The following PTPRD variants were observed in gnomAD, a reference collection of about 807,000 sequenced individuals.
The protein encoded by PTPRD is receptor-type tyrosine-protein phosphatase delta.
PTPRD carries 34 observed loss-of-function variants against 214.5 expected under a neutral mutation model. The observed-to-expected ratio is 0.16, with a 90% CI of 0.12 to 0.21. The LOEUF is 0.21. Among genes scored for constraint, PTPRD ranks in the 10% least tolerant of loss-of-function variants. The pLI is 1.00. For synonymous variants in PTPRD, 1,128 were observed against 845.7 expected (o/e 1.33, Z -5.79); for missense variants, 2,545 against 2,398.7 (o/e 1.06, Z -1.27).
At chr9:9,685,677 T>C (rs1402068144) in intron 7 of PTPRD, among the ~76,000 whole-genome samples, 1 of 151,238 alleles carries the variant, frequency 6.6e-6, no homozygotes, top group East Asian at 1.9e-4. Flanking sequence ...TAGAATTGGC[T>C]GCTCTTAAGT....
intron 3 of PTPRD, among the ~76,000 whole-genome samples, chr9:10,272,951 G>A (rs1405569451): frequency 6.6e-6 from 1 of 152,176 alleles, no homozygotes; most frequent in Non-Finnish European, 1.5e-5. Flanking sequence ...TCTCAATTCA[G>A]TAGAGATGAA....
chr9:8,767,141 G>C (rs1284175010), intron 11 of PTPRD, among the ~76,000 whole-genome samples: 1 of 151,866 alleles, frequency 6.6e-6, no homozygotes, highest in African/African-American at 2.4e-5. Flanking sequence ...TTTTGAGATG[G>C]AGTTTTGCTC....
At chr9:10,516,586 A>G (rs1322293271) in intron 2 of PTPRD, among the ~76,000 whole-genome samples, 1 of 151,944 alleles carries the variant, frequency 6.6e-6, no homozygotes, top group Non-Finnish European at 1.5e-5. Flanking sequence ...ATGTAGACAT[A>G]CTTGTTTATT....
intron 5 of PTPRD, among the ~76,000 whole-genome samples, chr9:9,908,604 G>A (rs1025919139): frequency 6.6e-6 from 1 of 151,844 alleles, no homozygotes; most frequent in Non-Finnish European, 1.5e-5. Context: ...GAGGGAAATG[G>A]GTTTTAAAGA....
intron 4 of PTPRD, among the ~76,000 whole-genome samples, chr9:9,952,795 G>T (rs1187045848): frequency 6.6e-6 from 1 of 152,148 alleles, no homozygotes; most frequent in Non-Finnish European, 1.5e-5. Flanking sequence ...TCCAGTTAGA[G>T]TGAGGGCTAT....
intron 14 of PTPRD, among the ~76,000 whole-genome samples, chr9:8,529,655 G>A (rs1372730415): frequency 6.6e-6 from 1 of 152,122 alleles, no homozygotes; most frequent in Admixed American, 6.6e-5. Flanking sequence ...CCACAATCAT[G>A]CTCCACACTG....
intron 2 of PTPRD, among the ~76,000 whole-genome samples, chr9:10,476,770 G>A (rs960606938): frequency 2.6e-5 from 4 of 152,094 alleles, no homozygotes; most frequent in Admixed American, 6.6e-5. Flanking sequence ...AAAACAGCAT[G>A]GTACTGGTAC....
rs566372811 is a variant in PTPRD, at chr9:9,677,029, C to T, written c.-287+57504G>A. ...TTCCTTGTAGATTCTGGATATTAGCCCTTTGTCAGAAGAGTAGGTTGCAAA... is the reference window on the plus strand; with the variant it reads ...TTCCTTGTAGATTCTGGATATTAGCTCTTTGTCAGAAGAGTAGGTTGCAAA... On this transcript the variant is annotated intron_variant, in intron 7 of 45. Transcript: ENST00000381196. Among the ~76,000 whole-genome samples the T allele has an allele frequency of 3.3e-5, 5 of 151,884 alleles. No homozygotes were observed. The East Asian group carries it at 9.7e-4, about 29-fold the overall frequency.
rs1245284728 is a variant in PTPRD at position 10,231,989 on chromosome 9, A to AGAGAGAGAGAGAGTGTGTGT, written c.-545+108973_-545+108974insACACACACTCTCTCTCTCTC. On this transcript the variant is annotated intron_variant, in intron 3 of 45. Transcript: ENST00000381196. ...GAGAGAGAGAGAGAGAGAGAGAGAG[A>AGAGAGAGAGAGAGTGTGTGT]GTGTGTGTGTGTGTGTGTGTGTGTG... Among the ~76,000 whole-genome samples the AGAGAGAGAGAGAGTGTGTGT allele has an allele frequency of 1.2e-3, 113 of 92,474 alleles. 2 individuals carry two copies. The highest frequency in any genetic ancestry group is 5.4e-3 in the African/African-American group (102 of 18,940). 60.7% of individuals were successfully genotyped at this position (92,474 alleles called of 152,430 possible).
chr9:9,839,601 C>T lies in PTPRD; in HGVS notation c.-367-72750G>A, dbSNP rs1212107918. 2.0e-5 allele frequency among the ~76,000 whole-genome samples: 3 copies of T among 151,762 alleles called. No homozygotes were observed. In the East Asian group the frequency reaches 5.9e-4, roughly 30 times the overall value. ...TTCCATGTTCATGGGTAGGAAGAAT[C>T]AATATCGTGAAAATGGCCATACTGC... is the stretch of plus-strand genomic sequence containing the variant. On this transcript the variant is annotated intron_variant, in intron 5 of 45. Coordinates refer to ENST00000381196, the MANE Select transcript of PTPRD (RefSeq NM_002839.4).
chr9:9,897,653 TA>T (rs2075361197), intron 5 of PTPRD, among the ~76,000 whole-genome samples: 1 of 152,102 alleles, frequency 6.6e-6, no homozygotes, highest in South Asian at 2.1e-4. Context: ...ATGGACAATT[TA>T]AATTATAGCT....
intron 7 of PTPRD, among the ~76,000 whole-genome samples, chr9:9,577,642 A>G (rs565486661): frequency 6.6e-6 from 1 of 152,148 alleles, no homozygotes; most frequent in African/African-American, 2.4e-5. Context: ...CAGAGGAGAG[A>G]TTTATGATGA....
At chr9:8,423,292 G>A (rs2094473385) in intron 35 of PTPRD, among the ~76,000 whole-genome samples, 1 of 152,118 alleles carries the variant, frequency 6.6e-6, no homozygotes, top group Non-Finnish European at 1.5e-5. Context: ...AAAAGCTGGA[G>A]CAAAAGCAAA....
At chr9:9,877,298 T>C (rs926400655) in intron 5 of PTPRD, among the ~76,000 whole-genome samples, 3 of 152,102 alleles carry the variant, frequency 2.0e-5, no homozygotes, top group African/African-American at 7.2e-5. Context: ...TAAATAAATA[T>C]TAGCTTCATA....
intron 11 of PTPRD, among the ~76,000 whole-genome samples, chr9:8,783,249 T>A (rs1418971264): frequency 6.6e-6 from 1 of 152,202 alleles, no homozygotes; most frequent in African/African-American, 2.4e-5. Flanking sequence ...ACATTGACAT[T>A]CACAAGTGAA....
chr9:8,712,526 T>G (rs2098360838), intron 12 of PTPRD, among the ~76,000 whole-genome samples: 1 of 151,980 alleles, frequency 6.6e-6, no homozygotes, highest in African/African-American at 2.4e-5. Flanking sequence ...AGTGGACAGA[T>G]ACTGCCTCCA....
At chr9:8,934,518 TAA>T (rs1491544256) in intron 11 of PTPRD, among the ~76,000 whole-genome samples, 7,935 of 20,318 alleles carry the variant, frequency 0.39, 1,469 homozygotes, top group South Asian at 0.49. Flanking sequence ...TATATATATA[TAA>T]ATATATATAT....
chr9:9,765,737 T>G (rs568303034), intron 6 of PTPRD, among the ~76,000 whole-genome samples: 31 of 152,328 alleles, frequency 2.0e-4, no homozygotes, highest in Middle Eastern at 6.8e-3. Flanking sequence ...CTCGGCTCAC[T>G]GCAAGCTTCA....
intron 3 of PTPRD, among the ~76,000 whole-genome samples, chr9:10,140,946 T>C (rs1308505527): frequency 6.6e-6 from 1 of 152,070 alleles, no homozygotes; most frequent in East Asian, 1.9e-4. Context: ...TGGTTCATTA[T>C]ACGCAAATCA....
Sources: allele counts gnomAD v4.1 joint callset (sites outside exome capture counted in the v4.1 genomes callset), GRCh38; gene constraint gnomAD v4.1.1; transcripts MANE v1.5; gene names NCBI Gene and HGNC (gene_info 2026-07-23, HGNC 2026-07-21).